The following LIPK variants were observed in gnomAD, a reference collection of about 807,000 sequenced individuals.
LIPK encodes the protein lipase member K.
A neutral mutation model predicts 48.6 loss-of-function variants in LIPK; 32 were observed. The ratio of observed to expected loss-of-function variants is 0.66; its 90% CI spans 0.50 to 0.88. The LOEUF (loss-of-function observed/expected upper bound fraction) is 0.88. Ranked by LOEUF, LIPK falls within the 40% of genes least tolerant of loss-of-function variation. The pLI, the probability that LIPK is intolerant of heterozygous loss-of-function variation, is 0.00. For synonymous variants in LIPK, 164 were observed against 157.4 expected (o/e 1.04, Z -0.32); for missense variants, 507 against 478.5 (o/e 1.06, Z -0.56).
At chr10:88,734,201 A>T (rs1366969723) in intron 6 of LIPK, among the ~76,000 whole-genome samples, 1 of 152,252 alleles carries the variant, frequency 6.6e-6, no homozygotes, top group Non-Finnish European at 1.5e-5. Flanking sequence ...AGGCAAACTC[A>T]GAGAAAAGAA....
intron 6 of LIPK, among the ~76,000 whole-genome samples, chr10:88,735,197 G>A (rs779135568): frequency 2.0e-5 from 3 of 152,154 alleles, no homozygotes; most frequent in East Asian, 1.9e-4. Context: ...GATAGAATGA[G>A]TAGAGTTCGT....
In LIPK at chr10:88,731,000, T is replaced by A. The variant is rs755373868; in HGVS notation, c.241T>A (p.Tyr81Asn). ...TTTTGCAGCTCCAAAGCCTGCTGTG[T>A]ATTTGCAGCATGGCTTAATTGCATC... Reference protein sequence around the residue: ...PGRTAPKPAVYLQHGLIASAS... With the variant: ...PGRTAPKPAVNLQHGLIASAS... Residue 81 changes from tyrosine (Y) to asparagine (N), a missense_variant, in exon 4 of 10, where the codon TAT (tyrosine) becomes AAT (asparagine). Transcript: ENST00000404190. The A allele has an allele frequency of 1.8e-5, 28 of 1,588,588 alleles. No individual in the cohort carries two copies. Among genetic ancestry groups the A allele is most frequent in the Non-Finnish European group, 2.4e-5 (28 of 1,166,862 alleles).
At chr10:88,713,287 T>C (rs1181469379) in intron 1 of LIPK, among the ~76,000 whole-genome samples, 1 of 152,232 alleles carries the variant, frequency 6.6e-6, no homozygotes, top group Non-Finnish European at 1.5e-5. Flanking sequence ...TTAATTCTTA[T>C]AAATCACTTT....
chr10:88,750,266 A>G (rs1344848980), intron 9 of LIPK, among the ~76,000 whole-genome samples: 1 of 152,120 alleles, frequency 6.6e-6, no homozygotes, highest in African/African-American at 2.4e-5. Flanking sequence ...AGAACTTAAA[A>G]CAGAACTATG....
At chr10:88,723,151 C>T (rs1274426360) in intron 1 of LIPK, among the ~76,000 whole-genome samples, 4 of 152,112 alleles carry the variant, frequency 2.6e-5, no homozygotes, top group Admixed American at 2.6e-4. Flanking sequence ...TTCCAAAGTG[C>T]TGGGATTACA....
intron 1 of LIPK, among the ~76,000 whole-genome samples, chr10:88,716,642 C>T (rs1554953778): frequency 6.6e-6 from 1 of 152,122 alleles, no homozygotes; most frequent in Non-Finnish European, 1.5e-5. Context: ...CAGGCATGAG[C>T]CACTGAGCCT....
At position 88,752,594 on chromosome 10, in the gene LIPK, T is replaced by A; in HGVS notation, c.1038T>A (p.Ala346=). ...AIWNGGQDIV[A]DPKDVENLLP... ...GGAATGGTGGACAGGACATTGTGGC[T>A]GATCCCAAGGATGTTGAAAATTTAC... is the stretch of plus-strand genomic sequence containing the variant. The change falls in exon 10 of 10, where the codon GCT becomes GCA. Residue 346 remains alanine (A), a synonymous_variant. Transcript: ENST00000404190. 6.4e-7 allele frequency: 1 copy of A among 1,573,322 alleles called. No homozygotes were observed. Among genetic ancestry groups the A allele is most frequent in the Non-Finnish European group, 8.6e-7 (1 of 1,156,982 alleles).
chr10:88,750,630 T>G (rs1034774721), intron 9 of LIPK, among the ~76,000 whole-genome samples: 1 of 152,012 alleles, frequency 6.6e-6, no homozygotes, highest in Admixed American at 6.6e-5. Context: ...AGGGGAACAA[T>G]AGACACTGGG....
At chr10:88,730,430 C>T (rs1842440760) in intron 3 of LIPK, among the ~76,000 whole-genome samples, 1 of 152,102 alleles carries the variant, frequency 6.6e-6, no homozygotes, top group South Asian at 2.1e-4. Context: ...GCTGGGACTA[C>T]AACGCCCGCC....
At position 88,743,304 on chromosome 10, in the gene LIPK, A is replaced by T; in HGVS notation, c.943A>T (p.Met315Leu). ...TGATTGGGGAAACTCTGATCAGAAC[A>T]TGATGCACTTCCATCAGGTACAAAA... ...AFDWGNSDQN[M>L]MHFHQLTPPL... The change falls in exon 9 of 10, where the codon ATG (methionine) becomes TTG (leucine). Residue 315 changes from methionine to leucine, a missense_variant. Transcript: ENST00000404190. 1.9e-6 allele frequency: 3 copies of T among 1,592,198 alleles called. No homozygotes were observed. The highest frequency in any genetic ancestry group is 1.1e-5 in the South Asian group (1 of 87,912).
At chr10:88,716,356 C>T (rs867029665) in intron 1 of LIPK, among the ~76,000 whole-genome samples, 418 of 120,112 alleles carry the variant, frequency 3.5e-3, no homozygotes, top group Middle Eastern at 0.01. Flanking sequence ...AGGAAAATTT[C>T]TTTTTTTTTT....
rs1221983079 is a variant in LIPK at position 88,743,255 on chromosome 10, T to C, written c.894T>C (p.Val298=). 6 of 1,582,716 alleles carry C rather than the reference T, an allele frequency of 3.8e-6. No individual in the cohort carries two copies. Among genetic ancestry groups the C allele is most frequent in the Admixed American group, 3.5e-5 (2 of 56,472 alleles). ...ACGTGCTTATTTTATTTTAGGCTGT[T>C]AATTCTGGTCAGCTCCAAGCTTTTG... ...VQNMLHWAQA[V]NSGQLQAFDW... Residue 298 remains valine, a synonymous_variant, in exon 9 of 10, where the codon GTT becomes GTC. Coordinates refer to ENST00000404190, the MANE Select transcript of LIPK (RefSeq NM_001080518.2).
At chr10:88,721,034 T>C (rs567590667) in intron 1 of LIPK, among the ~76,000 whole-genome samples, 33 of 152,174 alleles carry the variant, frequency 2.2e-4, no homozygotes, top group South Asian at 1.2e-3. Flanking sequence ...TTTTTCTTAG[T>C]CTAAAATCCT....
chr10:88,740,077 T>G lies in LIPK; in HGVS notation c.888+10T>G. 1.2e-6 allele frequency: 2 copies of G among 1,606,472 alleles called. No individual in the cohort carries two copies. Among genetic ancestry groups the G allele is most frequent in the Non-Finnish European group, 1.7e-6 (2 of 1,173,954 alleles). ...GCTGCACTGGGCTCAGGTAAGTGCT[T>G]CTTATTCCTGCTTGATGCACACATA... is the stretch of plus-strand genomic sequence containing the variant. On this transcript the variant is annotated intron_variant, in intron 8 of 9. Coordinates refer to ENST00000404190, the MANE Select transcript of LIPK (RefSeq NM_001080518.2).
At chr10:88,715,040 A>G (rs939249237) in intron 1 of LIPK, among the ~76,000 whole-genome samples, 27 of 152,122 alleles carry the variant, frequency 1.8e-4, no homozygotes, top group Admixed American at 1.3e-4. Context: ...TCAAATTTTG[A>G]TATGTCATGT....
At chr10:88,736,441 T>G (rs1301970764) in intron 6 of LIPK, among the ~76,000 whole-genome samples, 1 of 152,204 alleles carries the variant, frequency 6.6e-6, no homozygotes, top group Non-Finnish European at 1.5e-5. Context: ...AATAATTTAA[T>G]AATAGTAGCA....
At chr10:88,706,455 A>G (rs1165735707) in intron 1 of LIPK, among the ~76,000 whole-genome samples, 135 bp downstream of exon 1, 3 of 152,212 alleles carry the variant, frequency 2.0e-5, no homozygotes, top group African/African-American at 4.8e-5. Flanking sequence ...AGCAAGATAC[A>G]GCAAGAGTAT....
intron 1 of LIPK, among the ~76,000 whole-genome samples, chr10:88,711,948 A>AT: frequency 6.6e-6 from 1 of 152,194 alleles, no homozygotes; most frequent in Non-Finnish European, 1.5e-5. Flanking sequence ...TCTGAGGTAT[A>AT]TTTTTGTATC....
intron 8 of LIPK, among the ~76,000 whole-genome samples, chr10:88,740,634 TTGTG>T: frequency 6.6e-6 from 1 of 152,294 alleles, no homozygotes; most frequent in Non-Finnish European, 1.5e-5. Context: ...GTGTGTGTCT[TTGTG>T]TGTGCATGCG....
Sources: allele counts gnomAD v4.1 joint callset (sites outside exome capture counted in the v4.1 genomes callset), GRCh38; gene constraint gnomAD v4.1.1; transcripts MANE v1.5; gene names NCBI Gene and HGNC (gene_info 2026-07-23, HGNC 2026-07-21).